Variants in CNBD1 observed in about 807,000 individuals in gnomAD.
The protein encoded by CNBD1 is cyclic nucleotide-binding domain-containing protein 1.
Under a neutral mutation model 54.4 loss-of-function variants are expected in CNBD1, and 71 were observed. The observed-to-expected ratio is 1.30, with a 90% CI of 1.08 to 1.59. The LOEUF is 1.59. Ranked by LOEUF, CNBD1 falls within the 40% of genes most tolerant of loss-of-function variation. The pLI is 0.00. For missense variants in CNBD1, 659 were observed against 518.0 expected (o/e 1.27, Z -2.64); for synonymous variants, 182 against 170.7 (o/e 1.07, Z -0.51).
intron 8 of CNBD1, among the ~76,000 whole-genome samples, chr8:87,299,722 A>G (rs1038996977): frequency 1.3e-5 from 2 of 152,170 alleles, no homozygotes; most frequent in African/African-American, 4.8e-5. Context: ...ATCATTTGTC[A>G]CCTGGGTGTA....
At chr8:87,031,306 G>A (rs1458919650) in intron 4 of CNBD1, among the ~76,000 whole-genome samples, 11 of 151,946 alleles carry the variant, frequency 7.2e-5, no homozygotes, top group Non-Finnish European at 1.6e-4. Flanking sequence ...ACCACATCAT[G>A]GAAATGTTGC....
chr8:87,209,518 A>G (rs1814048584), intron 5 of CNBD1, among the ~76,000 whole-genome samples: 1 of 152,178 alleles, frequency 6.6e-6, no homozygotes, highest in African/African-American at 2.4e-5. Flanking sequence ...AAAGAAATTG[A>G]GAAAAATAGT....
At chr8:86,999,806 A>G (rs576321756) in intron 4 of CNBD1, among the ~76,000 whole-genome samples, 1 of 152,242 alleles carries the variant, frequency 6.6e-6, no homozygotes, top group African/African-American at 2.4e-5. Context: ...AAAGCTGAAA[A>G]TAGTTCAGTG....
intron 4 of CNBD1, among the ~76,000 whole-genome samples, chr8:86,957,490 AT>A (rs1215640040): frequency 6.6e-6 from 1 of 152,166 alleles, no homozygotes; most frequent in African/African-American, 2.4e-5. Context: ...GCTATTAATT[AT>A]TGCCTCAATT....
chr8:87,328,848 A>G (rs1410054380), intron 8 of CNBD1, among the ~76,000 whole-genome samples: 1 of 152,014 alleles, frequency 6.6e-6, no homozygotes, highest in African/African-American at 2.4e-5. Flanking sequence ...TAAATATTTT[A>G]TTCTTTTTGA....
intron 4 of CNBD1, among the ~76,000 whole-genome samples, chr8:86,959,949 T>C (rs1029625580): frequency 1.3e-5 from 2 of 151,750 alleles, no homozygotes; most frequent in African/African-American, 2.4e-5. Flanking sequence ...TTCAGAATTT[T>C]CAGCTTTTCT....
intron 8 of CNBD1, among the ~76,000 whole-genome samples, chr8:87,290,210 A>G (rs949568361): frequency 9.2e-5 from 14 of 151,958 alleles, no homozygotes; most frequent in Non-Finnish European, 1.8e-4. Context: ...TTAACAATAC[A>G]TTATTATTTT....
intron 2 of CNBD1, among the ~76,000 whole-genome samples, chr8:87,424,391 C>T (rs1197258798): frequency 3.3e-5 from 5 of 152,026 alleles, no homozygotes; most frequent in East Asian, 1.9e-4. Context: ...TGGATCTTTC[C>T]TGCTTTCTCT....
chr8:87,390,688 C>T (rs1183178215), intron 2 of CNBD1, among the ~76,000 whole-genome samples: 1 of 152,086 alleles, frequency 6.6e-6, no homozygotes, highest in African/African-American at 2.4e-5. Context: ...TGTGATGATT[C>T]CTCAGGGATC....
At position 86,905,144 on chromosome 8, in the gene CNBD1, C is replaced by G. The variant is rs373383732; in HGVS notation, c.222C>G (p.Phe74Leu). The G allele has an allele frequency of 4.4e-5, 71 of 1,612,358 alleles. No individual in the cohort carries two copies. The highest frequency in any genetic ancestry group is 5.6e-5 in the Non-Finnish European group (66 of 1,178,970). ...TTATGAAGCAATATCCTAAAGTATT[C>G]CTGCACCAAAAACCCAGACTTCCTA... ...DTFMKQYPKV[F>L]LHQKPRLPKL... Residue 74 changes from phenylalanine to leucine, a missense_variant, in exon 3 of 11, where the codon TTC (phenylalanine) becomes TTG (leucine). Phe to Leu is a conservative substitution (Grantham distance 22). Transcript: ENST00000518476.
At chr8:87,108,562 A>G (rs947128389) in intron 4 of CNBD1, among the ~76,000 whole-genome samples, 1 of 152,208 alleles carries the variant, frequency 6.6e-6, no homozygotes, top group Non-Finnish European at 1.5e-5. Context: ...AAGAACCAAC[A>G]TTCAGGGAAT....
At chr8:86,972,293 T>C (rs993925158) in intron 4 of CNBD1, among the ~76,000 whole-genome samples, 3 of 152,112 alleles carry the variant, frequency 2.0e-5, no homozygotes, top group Non-Finnish European at 4.4e-5. Context: ...ATTATGACAA[T>C]AGTGAGCAGT....
chr8:87,039,480 G>C (rs956311696), intron 4 of CNBD1, among the ~76,000 whole-genome samples: 2 of 152,072 alleles, frequency 1.3e-5, no homozygotes, highest in Non-Finnish European at 2.9e-5. Flanking sequence ...GGATTTACTA[G>C]AGGTTTATCT....
At chr8:87,329,936 G>T (rs1037478837) in intron 8 of CNBD1, among the ~76,000 whole-genome samples, 3 of 151,842 alleles carry the variant, frequency 2.0e-5, no homozygotes, top group African/African-American at 7.2e-5. Context: ...ATGTTAAAAG[G>T]ACTAGTGAGA....
chr8:87,382,092 T>C (rs1457661348), intron 10 of CNBD1, among the ~76,000 whole-genome samples: 4 of 151,702 alleles, frequency 2.6e-5, no homozygotes, highest in African/African-American at 9.7e-5. Flanking sequence ...ACTATAAAAA[T>C]GTTATTAAAT....
intron 4 of CNBD1, among the ~76,000 whole-genome samples, chr8:87,030,033 A>G (rs975395303): frequency 3.3e-5 from 5 of 152,210 alleles, no homozygotes; most frequent in African/African-American, 1.2e-4. Context: ...TACTCTGTTC[A>G]TTGAATTTAA....
intron 4 of CNBD1, among the ~76,000 whole-genome samples, chr8:87,157,872 C>G (rs1812778632): frequency 1.3e-5 from 2 of 152,148 alleles, no homozygotes; most frequent in African/African-American, 4.8e-5. Context: ...ATTTCTCTCT[C>G]TGATAAATCT....
chr8:87,026,680 C>T (rs1461938089), intron 4 of CNBD1, among the ~76,000 whole-genome samples: 1 of 152,102 alleles, frequency 6.6e-6, no homozygotes, highest in Non-Finnish European at 1.5e-5. Context: ...ATCAAAAATA[C>T]ATCTTTGTTT....
chr8:87,417,953 A>G (rs1311156711), intron 2 of CNBD1, among the ~76,000 whole-genome samples: 3 of 152,160 alleles, frequency 2.0e-5, no homozygotes, highest in African/African-American at 2.4e-5. Flanking sequence ...TGGAAGATTT[A>G]CTATTGTTAA....
Sources: gnomAD v4.1 joint callset for allele counts (sites outside exome capture counted in the v4.1 genomes callset) on GRCh38, gnomAD v4.1.1 for gene constraint, MANE v1.5 for transcripts, NCBI Gene and HGNC (gene_info 2026-07-23, HGNC 2026-07-21) for gene names.